The following ATRNL1 variants were observed in gnomAD, a reference collection of about 807,000 sequenced individuals.
ATRNL1 encodes the protein attractin like 1, also known as attractin-like protein 1.
ATRNL1 carries 95 observed loss-of-function variants against 182.7 expected under a neutral mutation model. The ratio of observed to expected loss-of-function variants is 0.52; its 90% confidence interval spans 0.44 to 0.62. ATRNL1 has a LOEUF of 0.62. Among genes scored for constraint, ATRNL1 ranks in the 20% least tolerant of loss-of-function variants. The probability of loss-of-function intolerance (pLI) is 0.00; values close to 1 mark genes in which losing one functional copy is unlikely to be tolerated. For missense variants in ATRNL1, 1,471 were observed against 1,679.5 expected (o/e 0.88, Z 2.17); for synonymous variants, 576 against 568.3 (o/e 1.01, Z -0.19).
At chr10:115,741,996 C>T (rs1180571336) in intron 27 of ATRNL1, among the ~76,000 whole-genome samples, 5 of 152,084 alleles carry the variant, frequency 3.3e-5, no homozygotes, top group Non-Finnish European at 5.9e-5. Context: ...AATATGTCAT[C>T]CATTTCAAAG....
chr10:115,427,264 A>G (rs1262693303), intron 21 of ATRNL1, among the ~76,000 whole-genome samples: 3 of 152,132 alleles, frequency 2.0e-5, no homozygotes, highest in Admixed American at 2.0e-4. Flanking sequence ...TGCCATCTGT[A>G]TATTTTATTC....
chr10:115,534,662 G>A (rs923938103), intron 25 of ATRNL1, among the ~76,000 whole-genome samples: 35 of 151,916 alleles, frequency 2.3e-4, no homozygotes, highest in African/African-American at 7.7e-4. Flanking sequence ...GTGTTAGCTG[G>A]TTATTTTGCT....
At chr10:115,655,376 A>G (rs997213035) in intron 26 of ATRNL1, among the ~76,000 whole-genome samples, 1 of 152,220 alleles carries the variant, frequency 6.6e-6, no homozygotes, top group African/African-American at 2.4e-5. Context: ...TAATAGGCAT[A>G]TGTTGCCAAA....
chr10:115,302,666 A>G (rs1853533113), intron 17 of ATRNL1, among the ~76,000 whole-genome samples: 1 of 152,174 alleles, frequency 6.6e-6, no homozygotes, highest in African/African-American at 2.4e-5. Flanking sequence ...CTGATCTCTC[A>G]TGTTTTCTAA....
At chr10:115,656,080 G>A (rs1197814388) in intron 26 of ATRNL1, among the ~76,000 whole-genome samples, 1 of 152,078 alleles carries the variant, frequency 6.6e-6, no homozygotes, top group Non-Finnish European at 1.5e-5. Flanking sequence ...TATTAGCCAG[G>A]CCTTCTGCTA....
At chr10:115,711,996 G>A (rs905344150) in intron 26 of ATRNL1, among the ~76,000 whole-genome samples, 3 of 152,114 alleles carry the variant, frequency 2.0e-5, no homozygotes, top group Non-Finnish European at 2.9e-5. Context: ...TTTTGCCTTT[G>A]TGAGTTAAAA....
intron 26 of ATRNL1, among the ~76,000 whole-genome samples, chr10:115,676,938 A>G (rs1311058882): frequency 6.6e-6 from 1 of 152,102 alleles, no homozygotes; most frequent in Non-Finnish European, 1.5e-5. Context: ...GTCTCAGTTA[A>G]AGAAAGTAGA....
chr10:115,649,263 G>A (rs1041888496), intron 26 of ATRNL1, among the ~76,000 whole-genome samples: 1 of 152,236 alleles, frequency 6.6e-6, no homozygotes, highest in African/African-American at 2.4e-5. Flanking sequence ...AAATTTAACA[G>A]CAACATGAAA....
chr10:115,389,540 G>GTGTATGTA (rs1279140127), intron 19 of ATRNL1, among the ~76,000 whole-genome samples: 5 of 44,490 alleles, frequency 1.1e-4, no homozygotes, highest in African/African-American at 3.8e-4. Context: ...ATGTGTATGT[G>GTGTATGTA]TATATATATA....
At chr10:115,160,339 G>A (rs1426014809) in intron 6 of ATRNL1, 125 bp downstream of exon 6, 1 of 795,642 alleles carries the variant, frequency 1.3e-6, no homozygotes, top group South Asian at 1.8e-5. Context: ...ATTTGCTAGT[G>A]AGACTGATTT....
At chr10:115,258,472 T>G (rs1851253777) in intron 10 of ATRNL1, among the ~76,000 whole-genome samples, 1 of 152,126 alleles carries the variant, frequency 6.6e-6, no homozygotes, top group Non-Finnish European at 1.5e-5. Context: ...TCAGGTCATT[T>G]AAGGTCTTCT....
At chr10:115,874,226 A>T (rs567989541) in intron 28 of ATRNL1, among the ~76,000 whole-genome samples, 3 of 152,114 alleles carry the variant, frequency 2.0e-5, no homozygotes, top group Admixed American at 1.3e-4. Flanking sequence ...AGAAAGCAGC[A>T]TCCATAGCTG....
At chr10:115,621,274 T>TAGAGAGAGAG (rs1243070932) in intron 26 of ATRNL1, among the ~76,000 whole-genome samples, 46 of 48,194 alleles carry the variant, frequency 9.5e-4, no homozygotes, top group East Asian at 5.0e-3. Context: ...TATATATATA[T>TAGAGAGAGAG]ATAGAGAGAG....
chr10:115,107,618 C>T (rs529883651), intron 1 of ATRNL1, among the ~76,000 whole-genome samples: 1 of 152,198 alleles, frequency 6.6e-6, no homozygotes, highest in African/African-American at 2.4e-5. Context: ...GCCCTGCTCC[C>T]ATGGCCCTAT....
In ATRNL1 at chr10:115,687,445, T is replaced by C. The variant is rs1394100339; in HGVS notation, c.3796-39803T>C. ...CCTGTGTTGTTGCAAATCGCAAGAT[T>C]GCCCTCTTTTTTGAGGCTAAGTAAT... On this transcript the variant is annotated intron_variant, in intron 26 of 28. Transcript: ENST00000355044. Among the ~76,000 whole-genome samples, 3 of 152,114 alleles carry C rather than the reference T, an allele frequency of 2.0e-5. No individual in the cohort carries two copies. In the East Asian group the frequency reaches 5.8e-4, roughly 29 times the overall value.
At chr10:115,858,829 C>T (rs202072882) in intron 28 of ATRNL1, among the ~76,000 whole-genome samples, 1 of 151,946 alleles carries the variant, frequency 6.6e-6, no homozygotes, top group East Asian at 1.9e-4. Flanking sequence ...AATAGTCCTA[C>T]TTTACATAGG....
At chr10:115,290,896 T>C (rs1852869297) in intron 15 of ATRNL1, among the ~76,000 whole-genome samples, 1 of 152,186 alleles carries the variant, frequency 6.6e-6, no homozygotes, top group Non-Finnish European at 1.5e-5. Flanking sequence ...AATCTTTTAT[T>C]ATGTAGATGG....
At chr10:115,101,903 C>A (rs1182296264) in intron 1 of ATRNL1, among the ~76,000 whole-genome samples, 3 of 152,128 alleles carry the variant, frequency 2.0e-5, no homozygotes, top group Admixed American at 6.5e-5. Flanking sequence ...TGACTAGAAT[C>A]CTTTAAAATT....
In ATRNL1 at chr10:115,944,994, C is replaced by T; in HGVS notation, c.*215C>T. On this transcript the variant is annotated 3_prime_UTR_variant, in exon 29 of 29. Coordinates refer to ENST00000355044, the MANE Select transcript of ATRNL1 (RefSeq NM_207303.4). The stretch of plus-strand genomic sequence containing the variant: ...CACAGGTGATAAAGTCAGTTTTTAC[C>T]ACTATCTTAGGCTTATTATAGCTAA... 1 of 398,086 alleles carries T rather than the reference C, an allele frequency of 2.5e-6. No homozygotes were observed. Among genetic ancestry groups the T allele is most frequent in the Non-Finnish European group, 4.3e-6 (1 of 231,700 alleles). 24.7% of individuals were successfully genotyped at this position (398,086 alleles called of 1,614,324 possible).
Sources: gnomAD v4.1 joint callset for allele counts (sites outside exome capture counted in the v4.1 genomes callset) on GRCh38, gnomAD v4.1.1 for gene constraint, MANE v1.5 for transcripts, NCBI Gene and HGNC (gene_info 2026-07-23, HGNC 2026-07-21) for gene names.